PTN: variants seen among roughly 807,000 people sequenced by gnomAD.
PTN encodes pleiotrophin.
In PTN, 18 loss-of-function variants were observed where a neutral mutation model predicts 24.1. The observed-to-expected ratio is 0.75, with a 90% confidence interval of 0.52 to 1.11. PTN has a LOEUF of 1.11. Ranked by LOEUF, PTN falls within the 50% of genes least tolerant of loss-of-function variation. The probability of loss-of-function intolerance (pLI) is 0.00; values close to 1 mark genes in which losing one functional copy is unlikely to be tolerated. For missense variants in PTN, 163 were observed against 198.8 expected, an observed-to-expected ratio of 0.82 and a Z score of 1.08; for synonymous variants, 78 against 68.6, an observed-to-expected ratio of 1.14 and a Z score of -0.67.
At chr7:137,251,033 G>A (rs79905887) in intron 4 of PTN, among the ~76,000 whole-genome samples, 197 bp downstream of exon 4, 1,621 of 152,250 alleles carry the variant, frequency 0.011, 24 homozygotes, top group African/African-American at 0.036. Flanking sequence ...TCTATGCAGA[G>A]GACTTCAATT....
chr7:137,303,662 C>G (rs191974281), intron 1 of PTN, among the ~76,000 whole-genome samples: 1 of 151,884 alleles, frequency 6.6e-6, no homozygotes, highest in Admixed American at 6.6e-5. Flanking sequence ...TAATTTGATT[C>G]TTATGTTAAT....
chr7:137,257,941 TAGAA>T (rs1376339058), intron 1 of PTN, among the ~76,000 whole-genome samples: 17 of 152,232 alleles, frequency 1.1e-4, no homozygotes, highest in African/African-American at 3.9e-4. Flanking sequence ...TTGGCAGAAA[TAGAA>T]AGACTCTACC....
intron 1 of PTN, among the ~76,000 whole-genome samples, chr7:137,305,941 G>A (rs1305076795): frequency 5.9e-5 from 9 of 152,104 alleles, no homozygotes; most frequent in African/African-American, 2.2e-4. Flanking sequence ...AGATGAATCT[G>A]TAGCAAATAC....
intron 1 of PTN, among the ~76,000 whole-genome samples, chr7:137,333,881 A>G (rs971035617): frequency 6.6e-6 from 1 of 152,202 alleles, no homozygotes; most frequent in Non-Finnish European, 1.5e-5. Flanking sequence ...CCTCAGAAAT[A>G]ACACCACATA....
In PTN at chr7:137,310,606, A is replaced by T. The variant is rs996145610; in HGVS notation, c.-2+32833T>A. Among the ~76,000 whole-genome samples, 29 of 152,054 alleles carry T rather than the reference A, an allele frequency of 1.9e-4. 1 individual carries two copies. Among genetic ancestry groups the T allele is most frequent in the Admixed American group, 1.6e-3 (25 of 15,270 alleles). On this transcript the variant is annotated intron_variant, in intron 1 of 4. Coordinates refer to ENST00000348225, the MANE Select transcript of PTN (RefSeq NM_002825.7). ...TTTTTAGTAGAGACGGGGTTTCACCATGTTGGCCAGGTTGGTCTCAATCTC... is the reference window on the plus strand; with the variant it reads ...TTTTTAGTAGAGACGGGGTTTCACCTTGTTGGCCAGGTTGGTCTCAATCTC...
intron 1 of PTN, among the ~76,000 whole-genome samples, chr7:137,320,670 G>C (rs1384787810): frequency 6.6e-6 from 1 of 152,106 alleles, no homozygotes; most frequent in East Asian, 1.9e-4. Flanking sequence ...ACGGAATAGA[G>C]AAAAATGAAC....
At chr7:137,324,759 T>G (rs1026638594) in intron 1 of PTN, 2 of 152,118 alleles carry the variant, frequency 1.3e-5, no homozygotes, top group East Asian at 3.9e-4. Flanking sequence ...TGGAGAAGTC[T>G]CCATTCTGGG....
intron 3 of PTN, 93 bp from the exon 4 acceptor site, chr7:137,251,484 T>C: frequency 7.3e-7 from 1 of 1,376,894 alleles, no homozygotes; most frequent in Non-Finnish European, 1.0e-6. Flanking sequence ...AACTTTTTTA[T>C]TGAAATAATT....
chr7:137,265,194 C>T lies in PTN; in HGVS notation c.-1-10220G>A, dbSNP rs182502505. Among the ~76,000 whole-genome samples the T allele has an allele frequency of 8.0e-3, 1,219 of 152,278 alleles. 11 individuals carry two copies. Among genetic ancestry groups the T allele is most frequent in the Non-Finnish European group, 0.012 (785 of 68,018 alleles). The stretch of plus-strand genomic sequence containing the variant: ...ATTTGATTTCAAGCTTTAAATTGAT[C>T]TGTATTCCTCGTGGGACTCCAACTG... On this transcript the variant is annotated intron_variant, in intron 1 of 4. Transcript: ENST00000348225.
At chr7:137,278,945 C>CAATAATGAT (rs1554466687) in intron 1 of PTN, among the ~76,000 whole-genome samples, 1 of 134,288 alleles carries the variant, frequency 7.4e-6, no homozygotes, top group East Asian at 2.1e-4. Flanking sequence ...CATCTCAGAA[C>CAATAATGAT]AATAATAATA....
rs190907407 is a variant in PTN at position 137,271,679 on chromosome 7, T to C, written c.-1-16705A>G. Among the ~76,000 whole-genome samples, 216 of 152,308 alleles carry C rather than the reference T, an allele frequency of 1.4e-3. 1 individual carries two copies. Among genetic ancestry groups the C allele is most frequent in the Middle Eastern group, 0.01 (3 of 294 alleles). On this transcript the variant is annotated intron_variant, in intron 1 of 4. Coordinates refer to ENST00000348225, the MANE Select transcript of PTN (RefSeq NM_002825.7). ...AATTGAAAAGAGCTGGAGACTGACT[T>C]TGAGAATCACAGAATTGTTTAGTTT...
chr7:137,233,633 T>C lies in PTN; in HGVS notation c.452-5558A>G, dbSNP rs1212869319. 2.6e-5 allele frequency among the ~76,000 whole-genome samples: 4 copies of C among 151,922 alleles called. No individual in the cohort carries two copies. The South Asian group carries it at 6.2e-4, about 24-fold the overall frequency. On this transcript the variant is annotated intron_variant, in intron 4 of 4. Coordinates refer to ENST00000348225, the MANE Select transcript of PTN (RefSeq NM_002825.7). ...ATATTTATATTAAAGATCATGGGTA[T>C]GTGGCAGCTATTTTTATGGTTTTGA...
chr7:137,244,084 T>C (rs766315168), intron 4 of PTN, among the ~76,000 whole-genome samples: 22 of 152,140 alleles, frequency 1.4e-4, no homozygotes, highest in Non-Finnish European at 2.2e-4. Flanking sequence ...ATTTAATTAA[T>C]CTATATTAAT....
At chr7:137,242,717 C>G (rs72611536) in intron 4 of PTN, among the ~76,000 whole-genome samples, 16,733 of 152,264 alleles carry the variant, frequency 0.11, 1,249 homozygotes, top group East Asian at 0.3. Flanking sequence ...GCCTCCCACA[C>G]AAGCCCCAGC....
At chr7:137,269,892 A>G (rs1237154355) in intron 1 of PTN, among the ~76,000 whole-genome samples, 1 of 151,856 alleles carries the variant, frequency 6.6e-6, no homozygotes, top group Non-Finnish European at 1.5e-5. Context: ...CTCCCTCCCA[A>G]AGTGCTGGGA....
At chr7:137,307,249 G>A (rs1409550639) in intron 1 of PTN, among the ~76,000 whole-genome samples, 1 of 151,926 alleles carries the variant, frequency 6.6e-6, no homozygotes, top group African/African-American at 2.4e-5. Context: ...GCCCACTGAA[G>A]CACAGCATCT....
In PTN at chr7:137,265,540, G is replaced by C. The variant is rs189704083; in HGVS notation, c.-1-10566C>G. Among the ~76,000 whole-genome samples, 9 of 152,364 alleles carry C rather than the reference G, an allele frequency of 5.9e-5. No homozygotes were observed. The East Asian group carries it at 1.7e-3, about 29-fold the overall frequency. On this transcript the variant is annotated intron_variant, in intron 1 of 4. Transcript: ENST00000348225. ...TGAGAGACAACGAAGTGAACTTAGTGTTGGGAGACGGAGGCTGGATGGCCC... is the reference window on the plus strand; with the variant it reads ...TGAGAGACAACGAAGTGAACTTAGTCTTGGGAGACGGAGGCTGGATGGCCC...
At chr7:137,278,306 C>CAAAAAAAAAAAAAAAAAAA (rs71176391) in intron 1 of PTN, among the ~76,000 whole-genome samples, 1 of 62,844 alleles carries the variant, frequency 1.6e-5, no homozygotes, top group Non-Finnish European at 2.7e-5. Flanking sequence ...GACTCCGTCT[C>CAAAAAAAAAAAAAAAAAAA]AAAAAAAAAA....
intron 1 of PTN, among the ~76,000 whole-genome samples, chr7:137,299,984 C>T (rs1185027044): frequency 6.6e-6 from 1 of 151,804 alleles, no homozygotes; most frequent in Non-Finnish European, 1.5e-5. Flanking sequence ...AGCCTATGGC[C>T]TTTCATCCCA....
Sources: gnomAD v4.1 joint callset for allele counts (sites outside exome capture counted in the v4.1 genomes callset) on GRCh38, gnomAD v4.1.1 for gene constraint, MANE v1.5 for transcripts, NCBI Gene and HGNC (gene_info 2026-07-23, HGNC 2026-07-21) for gene names.